The following LRRN1 variants were observed in gnomAD, a reference collection of about 807,000 sequenced individuals.
LRRN1 encodes the protein leucine rich repeat neuronal 1.
Under a neutral mutation model 45.8 loss-of-function variants are expected in LRRN1, and 14 were observed. The observed-to-expected ratio is 0.31, with a 90% CI of 0.20 to 0.48. LRRN1 has a LOEUF of 0.48. Among genes scored for constraint, LRRN1 ranks in the 20% least tolerant of loss-of-function variants. LRRN1 has a pLI of 0.99. For missense variants in LRRN1, 789 were observed against 874.2 expected, an observed-to-expected ratio of 0.90 and a Z score of 1.23; for synonymous variants, 359 against 330.1, an observed-to-expected ratio of 1.09 and a Z score of -0.95.
At chr3:3,805,649 T>C (rs11922909) in intron 1 of LRRN1, among the ~76,000 whole-genome samples, 36,856 of 152,120 alleles carry the variant, frequency 0.24, 7,082 homozygotes, top group East Asian at 0.56. Flanking sequence ...AGCCCCTACC[T>C]TTCTGCAAGG....
chr3:3,846,909 T>C lies in LRRN1; in HGVS notation c.*117T>C. ...TTGACTTTGCTAGTTTGTGGCAGAG[T>C]GGAGAGGACGGGTGGATATTTCAAA... On this transcript the variant is annotated 3_prime_UTR_variant, in exon 2 of 2. Coordinates refer to ENST00000319331, the MANE Select transcript of LRRN1 (RefSeq NM_020873.7). The surrounding 1 kb of genome is among the most constrained non-coding windows in gnomAD (Gnocchi z 5.7). The C allele has an allele frequency of 1.2e-6, 1 of 865,754 alleles. No individual in the cohort carries two copies. The highest frequency in any genetic ancestry group is 2.7e-5 in the East Asian group (1 of 37,414). 53.6% of individuals were successfully genotyped at this position (865,754 alleles called of 1,614,324 possible).
chr3:3,844,412 T>G lies in LRRN1; in HGVS notation c.-230T>G, dbSNP rs1209670132. The G allele has an allele frequency of 2.1e-6, 1 of 486,486 alleles. No individual in the cohort carries two copies. The highest frequency in any genetic ancestry group is 3.6e-6 in the Non-Finnish European group (1 of 275,902). The allele number at this position is 486,486 out of a possible 1,614,324, so 30.1% of individuals were successfully genotyped here. A position where few individuals can be genotyped will look rare whatever the true frequency, so the allele number is the denominator to read the frequency against. The stretch of plus-strand genomic sequence containing the variant: ...GCTGAAATAATTCATGCCACGGACC[T>G]GTGCACATGCCTGGAATTGAGAGAC... On this transcript the variant is annotated 5_prime_UTR_variant, in exon 2 of 2. Transcript: ENST00000319331.
At chr3:3,801,068 G>A (rs1405347067) in intron 1 of LRRN1, 2 of 152,302 alleles carry the variant, frequency 1.3e-5, no homozygotes, top group South Asian at 2.1e-4. Flanking sequence ...ACGCGGACCA[G>A]GCGCTTCGGC....
chr3:3,832,935 T>G (rs1005926982), intron 1 of LRRN1, among the ~76,000 whole-genome samples: 6 of 152,362 alleles, frequency 3.9e-5, no homozygotes, highest in Non-Finnish European at 8.8e-5. Context: ...ATTGCTGCTT[T>G]GCCTCTGCTG....
intron 1 of LRRN1, among the ~76,000 whole-genome samples, chr3:3,830,645 G>C (rs1693351457): frequency 6.6e-6 from 1 of 152,230 alleles, no homozygotes; most frequent in South Asian, 2.1e-4. Context: ...AGGCAGGGTG[G>C]CCTGAGTGGA....
At chr3:3,830,261 C>T (rs1230782237) in intron 1 of LRRN1, among the ~76,000 whole-genome samples, 5 of 152,222 alleles carry the variant, frequency 3.3e-5, no homozygotes, top group African/African-American at 1.2e-4. Flanking sequence ...CAGGTCAATC[C>T]ACATACCTCC....
Position 3,817,065 on chromosome 3 carries a change from G to C in LRRN1, c.-279+17146G>C, listed in dbSNP as rs943370024. ...AAGCCCCACCACCTGCCATCTATAA[G>C]CTGGAAAACTGATGTTCTGTCCCAG... On this transcript the variant is annotated intron_variant, in intron 1 of 1. Coordinates refer to ENST00000319331, the MANE Select transcript of LRRN1 (RefSeq NM_020873.7). Among the ~76,000 whole-genome samples the C allele has an allele frequency of 2.0e-5, 3 of 152,120 alleles. No individual in the cohort carries two copies. In the South Asian group the frequency reaches 6.2e-4, roughly 31 times the overall value.
intron 1 of LRRN1, among the ~76,000 whole-genome samples, chr3:3,812,200 T>G (rs996462080): frequency 1.3e-5 from 2 of 152,220 alleles, no homozygotes; most frequent in Non-Finnish European, 2.9e-5. Flanking sequence ...GAGCTTGCTG[T>G]CTGATGTGAG....
intron 1 of LRRN1, among the ~76,000 whole-genome samples, chr3:3,821,975 C>T (rs1388983418): frequency 6.6e-6 from 1 of 152,166 alleles, no homozygotes; most frequent in Non-Finnish European, 1.5e-5. Flanking sequence ...TCTCATATGG[C>T]ATATTGAAAT....
At chr3:3,803,636 A>G (rs1373184808) in intron 1 of LRRN1, among the ~76,000 whole-genome samples, 1 of 152,214 alleles carries the variant, frequency 6.6e-6, no homozygotes, top group Non-Finnish European at 1.5e-5. Flanking sequence ...AGTATCTTTA[A>G]CTCATGAATA....
intron 1 of LRRN1, among the ~76,000 whole-genome samples, chr3:3,843,512 G>A (rs1238216336): frequency 7.8e-6 from 1 of 128,594 alleles, no homozygotes; most frequent in East Asian, 2.7e-4. Context: ...ACAATCTTTA[G>A]AATATTTTCA....
At chr3:3,826,120 C>A (rs1240194415) in intron 1 of LRRN1, among the ~76,000 whole-genome samples, 3 of 152,100 alleles carry the variant, frequency 2.0e-5, no homozygotes, top group African/African-American at 7.2e-5. Flanking sequence ...CTCCCTACAC[C>A]TACCTGGCCC....
In LRRN1 at chr3:3,844,817, A is replaced by G. The variant is rs187548325; in HGVS notation, c.176A>G (p.Asn59Ser). Residue 59 changes from asparagine (N) to serine (S), a missense_variant, in exon 2 of 2, where the codon AAT becomes AGT. Coordinates refer to ENST00000319331, the MANE Select transcript of LRRN1 (RefSeq NM_020873.7). Reference protein sequence around the residue: ...TYREATTVDCNDLRLTRIPSN... With the variant: ...TYREATTVDCSDLRLTRIPSN... ...AGAGAAGCCACCACTGTTGATTGCA[A>G]TGACCTCCGCTTAACAAGGATTCCC... The G allele has an allele frequency of 6.4e-5, 103 of 1,614,160 alleles. No individual in the cohort carries two copies. Among genetic ancestry groups the G allele is most frequent in the Admixed American group, 3.2e-4 (19 of 60,024 alleles).
At chr3:3,824,150 G>T (rs765460083) in intron 1 of LRRN1, among the ~76,000 whole-genome samples, 1 of 152,190 alleles carries the variant, frequency 6.6e-6, no homozygotes, top group Non-Finnish European at 1.5e-5. Context: ...TGAGACAAAT[G>T]AGTTGACATC....
At chr3:3,810,617 G>C (rs1329750125) in intron 1 of LRRN1, among the ~76,000 whole-genome samples, 1 of 152,162 alleles carries the variant, frequency 6.6e-6, no homozygotes, top group Non-Finnish European at 1.5e-5. Flanking sequence ...TGAGGTGGGA[G>C]GATCACCTGA....
chr3:3,840,961 A>G (rs1390701372), intron 1 of LRRN1, among the ~76,000 whole-genome samples: 1 of 152,214 alleles, frequency 6.6e-6, no homozygotes, highest in African/African-American at 2.4e-5. Flanking sequence ...ACTTTAATAC[A>G]TATTTTACTT....
In LRRN1 at chr3:3,846,961, G is replaced by C; in HGVS notation, c.*169G>C. ...TTTTTTAGTATAGCGTATCGCAAGG[G>C]TTTGACACGGCTGCCAGCGACTCTA... On this transcript the variant is annotated 3_prime_UTR_variant, in exon 2 of 2. Transcript: ENST00000319331. The surrounding 1 kb of genome is among the most constrained non-coding windows in gnomAD (Gnocchi z 5.7). 2.0e-6 allele frequency: 1 copy of C among 511,166 alleles called. No homozygotes were observed. The highest frequency in any genetic ancestry group is 3.2e-5 in the East Asian group (1 of 31,134). The allele number at this position is 511,166 out of a possible 1,614,324, so 31.7% of individuals were successfully genotyped here.
At chr3:3,808,645 A>G (rs1452878599) in intron 1 of LRRN1, among the ~76,000 whole-genome samples, 2 of 152,092 alleles carry the variant, frequency 1.3e-5, no homozygotes, top group Non-Finnish European at 2.9e-5. Context: ...CTGACTCTAA[A>G]CCTGTACTGT....
At chr3:3,825,884 A>G (rs1353130166) in intron 1 of LRRN1, among the ~76,000 whole-genome samples, 7 of 152,322 alleles carry the variant, frequency 4.6e-5, no homozygotes, top group Admixed American at 3.3e-4. Context: ...TTGAAAATTT[A>G]TATCTAATCA....
Sources: allele counts gnomAD v4.1 joint callset (sites outside exome capture counted in the v4.1 genomes callset), GRCh38; gene constraint gnomAD v4.1.1; non-coding constraint Gnocchi (gnomAD v3.1); transcripts MANE v1.5; gene names NCBI Gene and HGNC (gene_info 2026-07-23, HGNC 2026-07-21).